MED13: variants seen among roughly 807,000 people sequenced by gnomAD.
MED13 encodes the protein mediator complex subunit 13, also known as mediator of RNA polymerase II transcription subunit 13.
In MED13, 23 loss-of-function variants were observed where a neutral mutation model predicts 225.2. The observed-to-expected ratio is 0.10, with a 90% CI of 0.07 to 0.14. MED13 has a LOEUF of 0.14. Ranked by LOEUF, MED13 falls within the 10% of genes least tolerant of loss-of-function variation. MED13 has a pLI of 1.00. For synonymous variants in MED13, 942 were observed against 889.2 expected, an observed-to-expected ratio of 1.06 and a Z score of -1.06; for missense variants, 2,197 against 2,594.5, an observed-to-expected ratio of 0.85 and a Z score of 3.33.
intron 27 of MED13, among the ~76,000 whole-genome samples, chr17:61,952,524 G>GA (rs1461214771): frequency 6.6e-6 from 1 of 152,242 alleles, no homozygotes; most frequent in East Asian, 1.9e-4. Flanking sequence ...CGGATTCAGG[G>GA]AAAGTAGAGC....
chr17:61,983,179 T>C, intron 15 of MED13, 65 bp from the exon 16 acceptor site: 2 of 1,297,352 alleles, frequency 1.5e-6, no homozygotes, highest in Non-Finnish European at 2.0e-6. Context: ...TAATGTGAAA[T>C]ACAACTAAAA....
chr17:62,047,587 G>C (rs1292415169), intron 3 of MED13, among the ~76,000 whole-genome samples: 1 of 151,980 alleles, frequency 6.6e-6, no homozygotes, highest in African/African-American at 2.4e-5. Flanking sequence ...AGAGCATAAG[G>C]ACAAATACCT....
intron 16 of MED13, among the ~76,000 whole-genome samples, chr17:61,976,763 C>T (rs2080160096): frequency 6.6e-6 from 1 of 152,080 alleles, no homozygotes; most frequent in Non-Finnish European, 1.5e-5. Context: ...TGAAACCCGT[C>T]TCTACTAAAA....
At chr17:62,022,457 G>A (rs890641221) in intron 8 of MED13, among the ~76,000 whole-genome samples, 1 of 151,744 alleles carries the variant, frequency 6.6e-6, no homozygotes, top group Non-Finnish European at 1.5e-5. Context: ...CCATTCAGTG[G>A]AATATTAATA....
rs770892389 is a variant in MED13, at chr17:61,961,759, C to T, written c.5085G>A (p.Leu1695=). 6.2e-7 allele frequency: 1 copy of T among 1,613,692 alleles called. No homozygotes were observed. The highest frequency in any genetic ancestry group is 1.1e-5 in the South Asian group (1 of 91,076). Residue 1695 remains leucine (L), a synonymous_variant, in exon 22 of 30, where the codon CTG becomes CTA. Transcript: ENST00000397786. ...TATCTTCATGCTTCACAGGTTGCAA[C>T]AGGTACTGACAAGGAATAATCTAAG... ...VSVQIIPCQY[L]LQPVKHEDRE...
chr17:61,983,469 TTA>T (rs2080222193), intron 15 of MED13, among the ~76,000 whole-genome samples: 1 of 152,190 alleles, frequency 6.6e-6, no homozygotes, highest in African/African-American at 2.4e-5. Context: ...AAAAATGATT[TTA>T]GAGATGCTCA....
chr17:62,039,644 T>G (rs2080836594), intron 3 of MED13, among the ~76,000 whole-genome samples: 1 of 145,196 alleles, frequency 6.9e-6, no homozygotes, highest in Non-Finnish European at 1.5e-5. Flanking sequence ...AAGGTTGGAG[T>G]GCAATGGCGT....
chr17:61,990,627 G>GTA (rs5821345), intron 11 of MED13, among the ~76,000 whole-genome samples: 8,273 of 138,844 alleles, frequency 0.06, 247 homozygotes, highest in East Asian at 0.085. Flanking sequence ...GGCGCACTGT[G>GTA]TATATATATA....
At position 61,946,571 on chromosome 17, in the gene MED13, G is replaced by C. The variant is rs2079853292; in HGVS notation, c.6422C>G (p.Ser2141Cys). The change falls in exon 30 of 30, where the codon TCC becomes TGC. Residue 2141 changes from serine (S) to cysteine (C), a missense_variant. Ser to Cys is a moderately radical substitution (Grantham distance 112). This residue lies in a region of MED13 where 216 missense variants were observed against 388.9 expected (regional missense o/e 0.56). Coordinates refer to ENST00000397786, the MANE Select transcript of MED13 (RefSeq NM_005121.3). ...GGTTGCAGGGTCACAGGTTAGCCAG[G>C]AGAGTGCATTGTACTGTTCCAAAAC... Reference protein sequence around the residue: ...RFVLEQYNALSWLTCDPATQD... With the variant: ...RFVLEQYNALCWLTCDPATQD... The C allele has an allele frequency of 6.2e-7, 1 of 1,614,060 alleles. No homozygotes were observed.
intron 9 of MED13, among the ~76,000 whole-genome samples, chr17:61,997,726 A>T (rs2080358241): frequency 6.6e-6 from 1 of 152,186 alleles, no homozygotes; most frequent in African/African-American, 2.4e-5. Flanking sequence ...ATAAAGTATA[A>T]GAAATCTCCC....
chr17:61,975,222 C>A (rs761554557), intron 16 of MED13, among the ~76,000 whole-genome samples: 12 of 151,824 alleles, frequency 7.9e-5, no homozygotes, highest in Non-Finnish European at 1.5e-4. Flanking sequence ...GGCTTATATC[C>A]TTGTATCCAA....
chr17:62,005,512 A>T (rs1054305778), intron 9 of MED13: 1 of 152,304 alleles, frequency 6.6e-6, no homozygotes, highest in African/African-American at 2.4e-5. Flanking sequence ...AGGTTGAGGC[A>T]CAAGAATCGC....
chr17:62,027,801 T>A (rs1397105361), intron 8 of MED13, among the ~76,000 whole-genome samples: 1 of 152,186 alleles, frequency 6.6e-6, no homozygotes, highest in Non-Finnish European at 1.5e-5. Flanking sequence ...GCAGCCAACA[T>A]GCATATGTAA....
chr17:62,047,746 T>A (rs2080911109), intron 3 of MED13, among the ~76,000 whole-genome samples: 1 of 150,994 alleles, frequency 6.6e-6, no homozygotes, highest in African/African-American at 2.4e-5. Context: ...ATAAATAAAA[T>A]AAGATCATTA....
intron 2 of MED13, among the ~76,000 whole-genome samples, chr17:62,060,827 G>A (rs946003613): frequency 1.3e-5 from 2 of 151,982 alleles, no homozygotes; most frequent in Admixed American, 1.3e-4. Context: ...AGCCTACTGA[G>A]TAGCTGGAAC....
At chr17:62,055,593 C>G (rs1474538903) in intron 2 of MED13, among the ~76,000 whole-genome samples, 1 of 151,960 alleles carries the variant, frequency 6.6e-6, no homozygotes, top group Non-Finnish European at 1.5e-5. Flanking sequence ...GAGGTCGAGG[C>G]AGGTGGATCA....
At position 62,004,273 on chromosome 17, in the gene MED13, T is replaced by C. The variant is rs2080424721; in HGVS notation, c.1967+6277A>G. 9 of 152,350 alleles carry C rather than the reference T, an allele frequency of 5.9e-5. No individual in the cohort carries two copies. In the South Asian group the frequency reaches 1.9e-3, roughly 32 times the overall value. The allele number at this position is 152,350 out of a possible 1,614,324, so 9.4% of individuals were successfully genotyped here. Reference sequence around the variant, plus strand: ...CAGCAGTAAACAAGACAAGAGTCCTTGCCCTCATAGAGCTTACATTCTAAT... The same window carrying C: ...CAGCAGTAAACAAGACAAGAGTCCTCGCCCTCATAGAGCTTACATTCTAAT... On this transcript the variant is annotated intron_variant, in intron 9 of 29. Coordinates refer to ENST00000397786, the MANE Select transcript of MED13 (RefSeq NM_005121.3).
intron 22 of MED13, 96 bp from the exon 23 acceptor site, chr17:61,961,186 T>C (rs1017108561): frequency 1.8e-6 from 2 of 1,141,352 alleles, no homozygotes; most frequent in South Asian, 1.6e-5. Context: ...TATAAGATAA[T>C]TGGAAAATGA....
At chr17:62,000,929 AT>A (rs2080389368) in intron 9 of MED13, among the ~76,000 whole-genome samples, 2 of 151,830 alleles carry the variant, frequency 1.3e-5, no homozygotes, top group African/African-American at 4.8e-5. Context: ...CGCCCAGCTA[AT>A]TTTTTGTATT....
Sources: gnomAD v4.1 joint callset for allele counts (sites outside exome capture counted in the v4.1 genomes callset) on GRCh38, gnomAD v4.1.1 for gene constraint, gnomAD v4.1.1 regional missense constraint, MANE v1.5 for transcripts, NCBI Gene and HGNC (gene_info 2026-07-23, HGNC 2026-07-21) for gene names.